The following DCAF8 variants were observed in gnomAD, a reference collection of about 807,000 sequenced individuals.
DCAF8 encodes the protein DDB1- and CUL4-associated factor 8.
A neutral mutation model predicts 68.0 loss-of-function variants in DCAF8; 20 were observed. That is an observed-to-expected ratio of 0.29 (90% CI 0.21 to 0.43). DCAF8 has a LOEUF of 0.43. Ranked by LOEUF, DCAF8 falls within the 20% of genes least tolerant of loss-of-function variation. DCAF8 has a pLI of 1.00. For missense variants in DCAF8, 460 were observed against 771.0 expected, an observed-to-expected ratio of 0.60 and a Z score of 4.78; for synonymous variants, 230 against 276.9, an observed-to-expected ratio of 0.83 and a Z score of 1.68.
At chr1:160,219,770 C>G (rs1162722926) in intron 11 of DCAF8, 10 of 152,232 alleles carry the variant, frequency 6.6e-5, no homozygotes, top group Non-Finnish European at 2.9e-5. Context: ...CCCAATGCCC[C>G]CTGCTGTCTG....
At chr1:160,241,409 T>C (rs1253142338) in intron 3 of DCAF8, among the ~76,000 whole-genome samples, 1 of 152,224 alleles carries the variant, frequency 6.6e-6, no homozygotes, top group African/African-American at 2.4e-5. Context: ...ATATATAAAA[T>C]TGATAAAAAG....
Position 160,229,587 on chromosome 1 carries a change from A to G in DCAF8, c.1070+1710T>C, listed in dbSNP as rs371765593. Among the ~76,000 whole-genome samples the G allele has an allele frequency of 4.6e-5, 7 of 152,350 alleles. No individual in the cohort carries two copies. The South Asian group carries it at 1.4e-3, about 32-fold the overall frequency. ...GTCCTAGTGGTGGAATTTGTTAGAG[A>G]CACAGACTTTTCAAGTAATCTGGAG... is the stretch of plus-strand genomic sequence containing the variant. On this transcript the variant is annotated intron_variant, in intron 7 of 13. Transcript: ENST00000368074.
At chr1:160,224,608 G>A in intron 9 of DCAF8, 59 bp from the exon 10 acceptor site, 2 of 1,382,414 alleles carry the variant, frequency 1.4e-6, no homozygotes, top group Non-Finnish European at 1.0e-6. Context: ...GGGACCAGGA[G>A]GTGGGGGTTG....
chr1:160,258,619 A>C (rs79165634), intron 2 of DCAF8, among the ~76,000 whole-genome samples: 2,212 of 151,994 alleles, frequency 0.015, 57 homozygotes, highest in African/African-American at 0.048. Context: ...AACAAACAAA[A>C]AAAAAACAAC....
At chr1:160,233,836 G>C (rs989692440) in intron 6 of DCAF8, among the ~76,000 whole-genome samples, 2 of 152,170 alleles carry the variant, frequency 1.3e-5, no homozygotes, top group Admixed American at 6.5e-5. Flanking sequence ...AGAGTACCTT[G>C]AACTCTGCAG....
chr1:160,249,113 C>G (rs1309566187), intron 2 of DCAF8, among the ~76,000 whole-genome samples: 3 of 151,748 alleles, frequency 2.0e-5, no homozygotes, highest in East Asian at 3.9e-4. Flanking sequence ...TCGCTTGAAC[C>G]TAGAAGGCAG....
chr1:160,253,627 G>A lies in DCAF8; in HGVS notation c.-27+7658C>T, dbSNP rs183983624. Among the ~76,000 whole-genome samples the A allele has an allele frequency of 9.1e-4, 108 of 118,976 alleles. 1 individual carries two copies. The highest frequency in any genetic ancestry group is 6.8e-4 in the Non-Finnish European group (42 of 61,728). The allele number at this position is 118,976 out of a possible 152,430, so 78.1% of individuals were successfully genotyped here. A position where few individuals can be genotyped will look rare whatever the true frequency, so the allele number is the denominator to read the frequency against. Reference sequence around the variant, plus strand: ...CGCACCATTGCACTCCAGCCTGTGCGACAGGGTGAGACTCCATCTCAAAAA... The same window carrying A: ...CGCACCATTGCACTCCAGCCTGTGCAACAGGGTGAGACTCCATCTCAAAAA... On this transcript the variant is annotated intron_variant, in intron 2 of 13. Coordinates refer to ENST00000368074, the MANE Select transcript of DCAF8 (RefSeq NM_015726.4).
chr1:160,220,683 C>A (rs928652632), intron 11 of DCAF8: 3 of 152,250 alleles, frequency 2.0e-5, no homozygotes, highest in Admixed American at 6.5e-5. Context: ...CCACCCCCAA[C>A]CCTTGTCCCT....
chr1:160,256,332 A>C (rs1167442083), intron 2 of DCAF8, among the ~76,000 whole-genome samples: 1 of 152,180 alleles, frequency 6.6e-6, no homozygotes, highest in Non-Finnish European at 1.5e-5. Context: ...ATTTAAGATG[A>C]AAAAATGATG....
In DCAF8 at chr1:160,239,655, A is replaced by G. The variant is rs772989029; in HGVS notation, c.723+42T>C. ...GCTGCAGTTCAGATTTCTCTAACTC[A>G]TGCCTGATTCTCTCAGTTGCTATTA... On this transcript the variant is annotated intron_variant, in intron 4 of 13. Coordinates refer to ENST00000368074, the MANE Select transcript of DCAF8 (RefSeq NM_015726.4). The G allele has an allele frequency of 1.9e-6, 3 of 1,614,078 alleles. No homozygotes were observed. The African/African-American group carries it at 4.0e-5, about 22-fold the overall frequency.
intron 4 of DCAF8, 62 bp from the exon 5 acceptor site, chr1:160,238,809 T>C: frequency 6.8e-7 from 1 of 1,477,960 alleles, no homozygotes; most frequent in Non-Finnish European, 9.1e-7. Flanking sequence ...AACTTGAGAA[T>C]AAAAAATACG....
In DCAF8 at chr1:160,239,078, T is replaced by C. The variant is rs1655996592; in HGVS notation, c.724-331A>G. 4 of 770,096 alleles carry C rather than the reference T, an allele frequency of 5.2e-6. No homozygotes were observed. The African/African-American group carries it at 5.6e-5, about 11-fold the overall frequency. 47.7% of individuals were successfully genotyped at this position (770,096 alleles called of 1,614,324 possible). On this transcript the variant is annotated intron_variant, in intron 4 of 13. Transcript: ENST00000368074. Reference sequence around the variant, plus strand: ...GAAAAATCTACTTTGATTAAGAAAGTAAATATAAATTTGCTACAAAGAAAA... The same window carrying C: ...GAAAAATCTACTTTGATTAAGAAAGCAAATATAAATTTGCTACAAAGAAAA...
At chr1:160,218,240 A>C in intron 13 of DCAF8, 84 bp downstream of exon 13, 4 of 989,692 alleles carry the variant, frequency 4.0e-6, no homozygotes, top group Non-Finnish European at 6.5e-6. Flanking sequence ...TCACCTGATT[A>C]CTGCTTGAAG....
chr1:160,254,787 T>TA (rs1015540025), intron 2 of DCAF8, among the ~76,000 whole-genome samples: 82 of 145,986 alleles, frequency 5.6e-4, no homozygotes, highest in Non-Finnish European at 9.1e-4. Context: ...AGACTCCATC[T>TA]AAAAAAAAAA....
rs549101448 is a variant in DCAF8 at position 160,251,668 on chromosome 1, ATG to A, written c.-26-7636_-26-7635del. Reference sequence around the variant, plus strand: ...TTTTGTAGAGATGGTGGTGGGGAACATGTTGCCCAGGCTGGTCTCGAACTCCT... The same window carrying A: ...TTTTGTAGAGATGGTGGTGGGGAACATTGCCCAGGCTGGTCTCGAACTCCT... On this transcript the variant is annotated intron_variant, in intron 2 of 13. Coordinates refer to ENST00000368074, the MANE Select transcript of DCAF8 (RefSeq NM_015726.4). Among the ~76,000 whole-genome samples the A allele has an allele frequency of 1.0e-3, 159 of 152,102 alleles. 1 individual carries two copies. Among genetic ancestry groups the A allele is most frequent in the African/African-American group, 3.6e-3 (148 of 41,492 alleles).
intron 2 of DCAF8, among the ~76,000 whole-genome samples, chr1:160,254,699 G>A (rs1426275935): frequency 6.6e-6 from 1 of 152,040 alleles, no homozygotes; most frequent in Non-Finnish European, 1.5e-5. Flanking sequence ...GCTGAGGCAG[G>A]AGGACTGCTT....
At chr1:160,260,932 T>C (rs541048611) in intron 2 of DCAF8, among the ~76,000 whole-genome samples, 8 of 151,972 alleles carry the variant, frequency 5.3e-5, no homozygotes, top group Non-Finnish European at 1.2e-4. Flanking sequence ...TGAACAGAAC[T>C]CAGGCAAACT....
intron 7 of DCAF8, among the ~76,000 whole-genome samples, chr1:160,228,904 G>C (rs1365699613): frequency 6.6e-6 from 1 of 152,190 alleles, no homozygotes; most frequent in African/African-American, 2.4e-5. Flanking sequence ...CATTCAGTTG[G>C]CTGCACAGGA....
chr1:160,236,002 G>C (rs1381429935), intron 6 of DCAF8, among the ~76,000 whole-genome samples: 2 of 152,174 alleles, frequency 1.3e-5, no homozygotes, highest in Non-Finnish European at 2.9e-5. Context: ...GCCTCCCAAA[G>C]TGCTGGGATT....
Sources: allele counts gnomAD v4.1 joint callset (sites outside exome capture counted in the v4.1 genomes callset), GRCh38; gene constraint gnomAD v4.1.1; transcripts MANE v1.5; gene names NCBI Gene and HGNC (gene_info 2026-07-23, HGNC 2026-07-21).